Variants in CA10 observed in about 807,000 individuals in gnomAD.
CA10 encodes the protein carbonic anhydrase 10 (inactive).
Under a neutral mutation model 44.2 loss-of-function variants are expected in CA10, and 14 were observed. The observed-to-expected ratio is 0.32, with a 90% CI of 0.21 to 0.50. CA10 has a LOEUF of 0.50. CA10 is among the 20% of genes least tolerant of loss of function. The probability of loss-of-function intolerance (pLI) is 0.99; values close to 1 mark genes in which losing one functional copy is unlikely to be tolerated. For missense variants in CA10, 350 were observed against 409.7 expected (o/e 0.85, Z 1.26); for synonymous variants, 159 against 141.6 (o/e 1.12, Z -0.87).
intron 4 of CA10, among the ~76,000 whole-genome samples, chr17:51,713,399 T>A (rs1485647784): frequency 6.6e-6 from 1 of 152,160 alleles, no homozygotes; most frequent in Non-Finnish European, 1.5e-5. Context: ...ACTGAACCCA[T>A]CAATGATATC....
intron 3 of CA10, among the ~76,000 whole-genome samples, chr17:51,899,109 T>C (rs1401034599): frequency 6.6e-6 from 1 of 152,078 alleles, no homozygotes; most frequent in Admixed American, 6.6e-5. Flanking sequence ...GCTCTTGTTT[T>C]TCTTGTTCCT....
chr17:51,724,927 A>G (rs934625748), intron 4 of CA10, among the ~76,000 whole-genome samples: 1 of 152,260 alleles, frequency 6.6e-6, no homozygotes, highest in African/African-American at 2.4e-5. Flanking sequence ...TAGTCATAAC[A>G]GTTTTCACTG....
At chr17:52,088,718 A>G (rs1420102345) in intron 1 of CA10, among the ~76,000 whole-genome samples, 4 of 152,216 alleles carry the variant, frequency 2.6e-5, no homozygotes, top group Non-Finnish European at 4.4e-5. Flanking sequence ...GGTTTTCTCA[A>G]ATTTCTGAGA....
At chr17:51,797,635 C>T (rs549086096) in intron 3 of CA10, among the ~76,000 whole-genome samples, 2 of 152,160 alleles carry the variant, frequency 1.3e-5, no homozygotes, top group East Asian at 3.9e-4. Context: ...GCAGGCGGAT[C>T]ACGAGGTCAG....
chr17:52,071,510 A>G (rs1987678536), intron 2 of CA10, among the ~76,000 whole-genome samples: 1 of 152,074 alleles, frequency 6.6e-6, no homozygotes, highest in Non-Finnish European at 1.5e-5. Flanking sequence ...TGCTCTTTCT[A>G]TTTGCCACCA....
chr17:51,713,458 T>C (rs1168749323), intron 4 of CA10, among the ~76,000 whole-genome samples: 1 of 152,188 alleles, frequency 6.6e-6, no homozygotes, highest in East Asian at 1.9e-4. Context: ...TGGTAAGTCA[T>C]TTGACAAAAA....
chr17:52,128,125 G>A (rs1989159347), intron 1 of CA10, among the ~76,000 whole-genome samples: 1 of 152,166 alleles, frequency 6.6e-6, no homozygotes, highest in Non-Finnish European at 1.5e-5. Context: ...CCAGTTCTGG[G>A]GCTATGAGCC....
chr17:51,846,212 G>A (rs898444521), intron 3 of CA10, among the ~76,000 whole-genome samples: 8 of 152,196 alleles, frequency 5.3e-5, no homozygotes, highest in African/African-American at 1.7e-4. Context: ...ATAAGTTAAA[G>A]GCCCATCATT....
intron 1 of CA10, among the ~76,000 whole-genome samples, chr17:52,105,059 A>G (rs149666003): frequency 2.0e-4 from 31 of 152,238 alleles, no homozygotes; most frequent in African/African-American, 6.7e-4. Context: ...AGGCTGGGGT[A>G]GGGCAACATG....
chr17:51,665,272 G>T (rs1009480689), intron 4 of CA10, among the ~76,000 whole-genome samples: 1 of 151,970 alleles, frequency 6.6e-6, no homozygotes, highest in Non-Finnish European at 1.5e-5. Context: ...CATTAAACCC[G>T]CAGTGGATTG....
chr17:51,988,000 TAA>T (rs1381254991), intron 2 of CA10, among the ~76,000 whole-genome samples: 2 of 152,066 alleles, frequency 1.3e-5, no homozygotes, highest in Admixed American at 6.6e-5. Context: ...CTCTAATAGA[TAA>T]GTTTGTTCAA....
intron 1 of CA10, among the ~76,000 whole-genome samples, chr17:52,091,799 A>G (rs1988273491): frequency 6.6e-6 from 1 of 152,170 alleles, no homozygotes; most frequent in African/African-American, 2.4e-5. Flanking sequence ...AGGGAACCCA[A>G]AGACCATCTC....
chr17:51,969,418 C>G (rs1413598824), intron 2 of CA10, among the ~76,000 whole-genome samples: 1 of 152,032 alleles, frequency 6.6e-6, no homozygotes, highest in Non-Finnish European at 1.5e-5. Context: ...CGTCTGAGTC[C>G]AGATGGCTAT....
intron 3 of CA10, among the ~76,000 whole-genome samples, chr17:51,911,209 A>G (rs1981777996): frequency 6.6e-6 from 1 of 152,228 alleles, no homozygotes; most frequent in Non-Finnish European, 1.5e-5. Context: ...CCTTGACTTG[A>G]AGCTTGAATC....
intron 3 of CA10, among the ~76,000 whole-genome samples, chr17:51,817,796 G>A (rs1392138706): frequency 6.6e-6 from 1 of 152,146 alleles, no homozygotes; most frequent in Non-Finnish European, 1.5e-5. Context: ...ATATGCTCAC[G>A]CCCAGTCTAC....
chr17:51,653,386 C>G (rs149890357), intron 5 of CA10, among the ~76,000 whole-genome samples: 1 of 152,154 alleles, frequency 6.6e-6, no homozygotes, highest in Non-Finnish European at 1.5e-5. Flanking sequence ...GATCTAGCCC[C>G]CTTTTTCTTT....
At chr17:51,860,540 A>G (rs1598086510) in intron 3 of CA10, among the ~76,000 whole-genome samples, 1 of 152,198 alleles carries the variant, frequency 6.6e-6, no homozygotes, top group East Asian at 1.9e-4. Context: ...GGTGGGGCAT[A>G]GTTGGCCCCT....
At chr17:51,752,842 C>T (rs1402185676) in intron 3 of CA10, among the ~76,000 whole-genome samples, 23 of 152,124 alleles carry the variant, frequency 1.5e-4, no homozygotes, top group Admixed American at 1.4e-3. Flanking sequence ...ATCACTTGAA[C>T]CCAGGAGGCA....
At chr17:51,730,953 G>A (rs369243658) in intron 4 of CA10, among the ~76,000 whole-genome samples, 2 of 152,022 alleles carry the variant, frequency 1.3e-5, no homozygotes, top group South Asian at 2.1e-4. Context: ...GGAAAGGACC[G>A]ATACTAAATA....
Sources: gnomAD v4.1 joint callset for allele counts (sites outside exome capture counted in the v4.1 genomes callset) on GRCh38, gnomAD v4.1.1 for gene constraint, MANE v1.5 for transcripts, NCBI Gene and HGNC (gene_info 2026-07-23, HGNC 2026-07-21) for gene names.